The following CCNB1IP1 variants were observed in gnomAD, a reference collection of about 807,000 sequenced individuals.
The protein encoded by CCNB1IP1 is cyclin B1 interacting protein 1.
Under a neutral mutation model 25.6 loss-of-function variants are expected in CCNB1IP1, and 14 were observed. The ratio of observed to expected loss-of-function variants is 0.55; its 90% CI spans 0.36 to 0.85. The LOEUF (loss-of-function observed/expected upper bound fraction) is 0.85. Ranked by LOEUF, CCNB1IP1 falls within the 40% of genes least tolerant of loss-of-function variation. The pLI, the probability that CCNB1IP1 is intolerant of heterozygous loss-of-function variation, is 0.01. For missense variants in CCNB1IP1, 278 were observed against 342.4 expected, an observed-to-expected ratio of 0.81 and a Z score of 1.48; for synonymous variants, 119 against 116.1, an observed-to-expected ratio of 1.02 and a Z score of -0.16.
chr14:20,319,661 T>C (rs776117579), intron 4 of CCNB1IP1, among the ~76,000 whole-genome samples: 37 of 152,222 alleles, frequency 2.4e-4, no homozygotes, highest in Non-Finnish European at 4.3e-4. Flanking sequence ...ATTCTTCTAA[T>C]AGACATTGAT....
At chr14:20,315,779 A>G in intron 5 of CCNB1IP1, 1 of 1,257,702 alleles carries the variant, frequency 8.0e-7, no homozygotes, top group African/African-American at 1.5e-5. Context: ...AGATATTCAT[A>G]CCAAGTGAAG....
intron 4 of CCNB1IP1, among the ~76,000 whole-genome samples, chr14:20,325,196 C>A (rs927884457): frequency 4.0e-5 from 6 of 150,514 alleles, no homozygotes; most frequent in Non-Finnish European, 8.9e-5. Flanking sequence ...CCGAGGCGGG[C>A]GGATCACGAG....
intron 3 of CCNB1IP1, among the ~76,000 whole-genome samples, chr14:20,326,077 A>T (rs1035172981): frequency 3.3e-5 from 5 of 152,202 alleles, no homozygotes; most frequent in African/African-American, 1.2e-4. Flanking sequence ...AAGTGATTCT[A>T]TAGTGTTGTA....
intron 4 of CCNB1IP1, among the ~76,000 whole-genome samples, chr14:20,319,988 C>T (rs1882839850): frequency 6.6e-6 from 1 of 152,202 alleles, no homozygotes; most frequent in South Asian, 2.1e-4. Context: ...ATGTACAACT[C>T]TTTCATTACT....
chr14:20,322,692 G>A (rs112001515), intron 4 of CCNB1IP1, among the ~76,000 whole-genome samples: 19,815 of 150,368 alleles, frequency 0.13, 1,495 homozygotes, highest in African/African-American at 0.21. Flanking sequence ...GCACAATCGC[G>A]GCTTACTACA....
intron 4 of CCNB1IP1, chr14:20,318,594 T>A (rs1356839641): frequency 6.6e-6 from 1 of 152,236 alleles, no homozygotes; most frequent in Non-Finnish European, 1.5e-5. Context: ...CTGTGCCAGT[T>A]TTACTCTAAT....
intron 1 of CCNB1IP1, among the ~76,000 whole-genome samples, chr14:20,331,140 G>A (rs1271729590): frequency 6.6e-6 from 1 of 152,130 alleles, no homozygotes; most frequent in African/African-American, 2.4e-5. Context: ...ATACATTTCA[G>A]CTTTTCCTAA....
chr14:20,322,696 T>C (rs1423943097), intron 4 of CCNB1IP1, among the ~76,000 whole-genome samples: 1 of 151,428 alleles, frequency 6.6e-6, no homozygotes, highest in African/African-American at 2.4e-5. Context: ...AATCGCGGCT[T>C]ACTACAATCT....
At chr14:20,328,348 T>C (rs1366053029) in intron 2 of CCNB1IP1, among the ~76,000 whole-genome samples, 2 of 152,214 alleles carry the variant, frequency 1.3e-5, no homozygotes, top group East Asian at 1.9e-4. Context: ...GCTCAGTAGG[T>C]TGGAAAGAAA....
intron 5 of CCNB1IP1, chr14:20,315,913 T>C: frequency 2.2e-6 from 1 of 447,282 alleles, no homozygotes; most frequent in Non-Finnish European, 4.1e-6. Flanking sequence ...TATAATATAC[T>C]GTCAACTCTT....
Position 20,316,563 on chromosome 14 carries a change from A to C in CCNB1IP1, c.-37-3T>G. The C allele has an allele frequency of 6.5e-7, 1 of 1,542,178 alleles. No individual in the cohort carries two copies. Among genetic ancestry groups the C allele is most frequent in the Non-Finnish European group, 8.8e-7 (1 of 1,134,890 alleles). On this transcript the variant is annotated splice_region_variant and splice_polypyrimidine_tract_variant and intron_variant, in intron 4 of 6. Coordinates refer to ENST00000358932, the MANE Select transcript of CCNB1IP1 (RefSeq NM_021178.5). ...GTCTCCAGAAGCTGAAGAGAGGCCT[A>C]AGAAGGGGTAAATAAAAAGGCCAAG...
At chr14:20,313,918 T>C (rs1882590967) in intron 5 of CCNB1IP1, 117 bp from the exon 6 acceptor site, 1 of 721,342 alleles carries the variant, frequency 1.4e-6, no homozygotes, top group Non-Finnish European at 2.1e-6. Context: ...TATTTTATCA[T>C]TTAGAACCCA....
In CCNB1IP1 at chr14:20,314,905, C is replaced by A. The variant is rs915722465; in HGVS notation, c.298-1104G>T. Among the ~76,000 whole-genome samples, 30 of 150,956 alleles carry A rather than the reference C, an allele frequency of 2.0e-4. 1 individual carries two copies. Among genetic ancestry groups the A allele is most frequent in the Non-Finnish European group, 3.4e-4 (23 of 67,596 alleles). On this transcript the variant is annotated intron_variant, in intron 5 of 6. Transcript: ENST00000358932. Reference sequence around the variant, plus strand: ...AGGAGATCGAGACCATCCTGGCTAACACGGTGAAACCCCGCCTCTACTAAA... The same window carrying A: ...AGGAGATCGAGACCATCCTGGCTAAAACGGTGAAACCCCGCCTCTACTAAA...
chr14:20,321,539 G>A lies in CCNB1IP1; in HGVS notation c.-38+4000C>T, dbSNP rs374155843. Among the ~76,000 whole-genome samples, 34 of 151,484 alleles carry A rather than the reference G, an allele frequency of 2.2e-4. 2 individuals are homozygous for A. The South Asian group carries it at 7.1e-3, about 32-fold the overall frequency. On this transcript the variant is annotated intron_variant, in intron 4 of 6. Coordinates refer to ENST00000358932, the MANE Select transcript of CCNB1IP1 (RefSeq NM_021178.5). ...ACGATCTCAGCTCACCGCAACCTCCGCCTCCCGGGTTCAAGCAATTCCTTG... is the reference window on the plus strand; with the variant it reads ...ACGATCTCAGCTCACCGCAACCTCCACCTCCCGGGTTCAAGCAATTCCTTG...
chr14:20,329,966 T>C (rs1397052699), intron 1 of CCNB1IP1, among the ~76,000 whole-genome samples: 1 of 152,114 alleles, frequency 6.6e-6, no homozygotes, highest in Non-Finnish European at 1.5e-5. Context: ...AAGACTGAGG[T>C]AATAAATACA....
intron 4 of CCNB1IP1, chr14:20,320,515 A>G: frequency 3.0e-6 from 1 of 332,328 alleles, no homozygotes; most frequent in South Asian, 2.4e-5. Flanking sequence ...GCAACCAACC[A>G]CAAAGACAAA....
At position 20,313,568 on chromosome 14, in the gene CCNB1IP1, G is replaced by GAGGC. The variant is rs868287069; in HGVS notation, c.527_530dup (p.Tyr178ProfsTer3). ...TGTTTCGTAGCCTAAGGCTATCATA[G>GAGGC]AGGCCTTGGAGCTTTTGATACTGAC... On this transcript the variant is annotated frameshift_variant, in exon 6 of 7. Transcript: ENST00000358932. LOFTEE classifies it high-confidence loss of function. The GAGGC allele has an allele frequency of 6.2e-7, 1 of 1,614,184 alleles. No homozygotes were observed. The highest frequency in any genetic ancestry group is 8.5e-7 in the Non-Finnish European group (1 of 1,180,008).
rs1882587081 is a variant in CCNB1IP1, at chr14:20,313,799, T to C, written c.300A>G (p.Val100=). ...ATTCTTGATAGAGACGTTCCTGATG[T>C]ACCTGGTTCCAAAAGAAAAAAGATT... is the stretch of plus-strand genomic sequence containing the variant. ...SRALAFWTYQ[V]HQERLYQEYN... The change falls in exon 6 of 7, where the codon GTA becomes GTG. Residue 100 remains valine, a splice_region_variant and synonymous_variant. Transcript: ENST00000358932. 1.9e-6 allele frequency: 3 copies of C among 1,548,384 alleles called. No individual in the cohort carries two copies. In the South Asian group the frequency reaches 3.7e-5, roughly 19 times the overall value.
In CCNB1IP1 at chr14:20,316,332, T is replaced by C. The variant is rs150951243; in HGVS notation, c.192A>G (p.Thr64=). ...TATATTCCTCTGATGGACTGAGTTC[T>C]GTGCGGACAATATCTAGCTTTCCAG... ...TLSGKLDIVR[T]ELSPSEEYKA... The change falls in exon 5 of 7, where the codon ACA becomes ACG. Residue 64 remains threonine, a synonymous_variant. Transcript: ENST00000358932. The C allele has an allele frequency of 7.0e-4, 1,137 of 1,613,880 alleles. No homozygotes were observed. The highest frequency in any genetic ancestry group is 8.2e-4 in the Non-Finnish European group (966 of 1,179,884).
Sources: gnomAD v4.1 joint callset for allele counts (sites outside exome capture counted in the v4.1 genomes callset) on GRCh38, gnomAD v4.1.1 for gene constraint, MANE v1.5 for transcripts, NCBI Gene and HGNC (gene_info 2026-07-23, HGNC 2026-07-21) for gene names.